Variants in PDE4D observed in about 807,000 individuals in gnomAD.
PDE4D encodes the protein 3',5'-cyclic-AMP phosphodiesterase 4D.
In PDE4D, 24 loss-of-function variants were observed where a neutral mutation model predicts 87.4. That is an observed-to-expected ratio of 0.27 (90% CI 0.20 to 0.39). The LOEUF is 0.39. Ranked by LOEUF, PDE4D falls within the 10% of genes least tolerant of loss-of-function variation. The pLI is 1.00. For missense variants in PDE4D, 714 were observed against 1,041.0 expected (o/e 0.69, Z 4.32); for synonymous variants, 384 against 383.2 (o/e 1.00, Z -0.02).
intron 1 of PDE4D, among the ~76,000 whole-genome samples, chr5:59,315,590 T>C (rs988814658): frequency 4.6e-5 from 7 of 152,000 alleles, no homozygotes; most frequent in Admixed American, 1.3e-4. Context: ...TCAGGAATGA[T>C]AGATGGTCAT....
intron 1 of PDE4D, among the ~76,000 whole-genome samples, chr5:60,441,864 GAAACGCAA>G: frequency 6.6e-6 from 1 of 151,878 alleles, no homozygotes. Flanking sequence ...GGTCATTAGA[GAAACGCAA>G]ATCAAAACCA....
rs374222313 is a variant in PDE4D, at chr5:59,449,068, AC to A, written c.456-233101del. Among the ~76,000 whole-genome samples, 566 of 152,338 alleles carry A rather than the reference AC, an allele frequency of 3.7e-3. 6 individuals are homozygous for A. The highest frequency in any genetic ancestry group is 0.013 in the African/African-American group (551 of 41,584). The stretch of plus-strand genomic sequence containing the variant: ...CCCTGCTTCACATATGTGAGAGATT[AC>A]AAATCAAAGAACAATGCTTTTGATG... On this transcript the variant is annotated intron_variant, in intron 1 of 14. Coordinates refer to ENST00000340635, the MANE Select transcript of PDE4D (RefSeq NM_001104631.2).
chr5:59,372,843 A>G (rs154027), intron 1 of PDE4D, among the ~76,000 whole-genome samples: 118,485 of 152,086 alleles, frequency 0.78, 46,686 homozygotes, highest in African/African-American at 0.89. Context: ...AACTTGAAGA[A>G]TGAGAAGACA....
intron 1 of PDE4D, among the ~76,000 whole-genome samples, chr5:59,622,705 T>A (rs1030097098): frequency 6.6e-6 from 1 of 152,198 alleles, no homozygotes; most frequent in Non-Finnish European, 1.5e-5. Context: ...TATTTTAGAA[T>A]GACTGACATC....
At chr5:60,044,672 T>C (rs1195440082) in intron 2 of PDE4D, among the ~76,000 whole-genome samples, 1 of 152,234 alleles carries the variant, frequency 6.6e-6, no homozygotes, top group Non-Finnish European at 1.5e-5. Flanking sequence ...ATTTCATCCA[T>C]GTCCCTACAA....
intron 1 of PDE4D, among the ~76,000 whole-genome samples, chr5:59,546,577 C>A (rs1053466798): frequency 3.3e-5 from 5 of 152,134 alleles, no homozygotes; most frequent in African/African-American, 1.2e-4. Context: ...ATATAAATCA[C>A]AAATCCAATT....
intron 3 of PDE4D, among the ~76,000 whole-genome samples, chr5:59,943,010 A>T (rs779679294): frequency 6.6e-6 from 1 of 152,138 alleles, no homozygotes; most frequent in Non-Finnish European, 1.5e-5. Context: ...GTAAAGAATT[A>T]TCTAGCCCCA....
chr5:59,852,802 G>A (rs187272286), intron 1 of PDE4D, among the ~76,000 whole-genome samples: 1 of 151,732 alleles, frequency 6.6e-6, no homozygotes, highest in African/African-American at 2.4e-5. Flanking sequence ...CAATCAGTTT[G>A]CAACAGAAAA....
intron 2 of PDE4D, among the ~76,000 whole-genome samples, chr5:60,133,430 G>T (rs1446291622): frequency 6.6e-6 from 1 of 152,040 alleles, no homozygotes; most frequent in Non-Finnish European, 1.5e-5. Context: ...CTGGGTTCAA[G>T]TGATTCTCCT....
chr5:59,893,548 C>T lies in PDE4D; in HGVS notation c.75G>A (p.Thr25=). ...TCCAGAGATGCTTGGGGGCTTTGAG[C>T]GTGGCCCCGCCGGCGCTGTCGCTGC... ...GEGSDSAGGA[T]LKAPKHLWRH... is the part of the protein sequence containing the mutation. Residue 25 remains threonine (T), a synonymous_variant, in exon 1 of 15, where the codon ACG becomes ACA. Transcript: ENST00000340635. 1 of 1,538,672 alleles carries T rather than the reference C, an allele frequency of 6.5e-7. No individual in the cohort carries two copies. The highest frequency in any genetic ancestry group is 8.8e-7 in the Non-Finnish European group (1 of 1,142,072).
At chr5:59,797,133 C>A (rs1766576954) in intron 1 of PDE4D, 4 of 110,794 alleles carry the variant, frequency 3.6e-5, no homozygotes, top group Non-Finnish European at 1.9e-5. Flanking sequence ...GACATTCTCT[C>A]TAAAAAAAAA....
intron 1 of PDE4D, among the ~76,000 whole-genome samples, chr5:59,698,908 C>A (rs1049641186): frequency 2.0e-5 from 3 of 152,250 alleles, no homozygotes; most frequent in African/African-American, 7.2e-5. Flanking sequence ...TTAGCAGTTG[C>A]CTAATTTCCC....
At chr5:60,143,050 A>G (rs1435465439) in intron 2 of PDE4D, among the ~76,000 whole-genome samples, 1 of 152,224 alleles carries the variant, frequency 6.6e-6, no homozygotes, top group Non-Finnish European at 1.5e-5. Flanking sequence ...AGAAAAAGTC[A>G]AAGATGTCCT....
At chr5:59,938,436 C>G (rs1756844674) in intron 3 of PDE4D, among the ~76,000 whole-genome samples, 1 of 152,184 alleles carries the variant, frequency 6.6e-6, no homozygotes, top group Non-Finnish European at 1.5e-5. Context: ...TCAACCAATA[C>G]AGCCTGGAAT....
At chr5:59,337,334 CA>C (rs1463029126) in intron 1 of PDE4D, among the ~76,000 whole-genome samples, 10 of 143,820 alleles carry the variant, frequency 7.0e-5, no homozygotes, top group East Asian at 6.0e-4. Context: ...CCCCCCCCCC[CA>C]CCTTTTTTTT....
chr5:59,491,382 T>G (rs538301557), intron 1 of PDE4D, among the ~76,000 whole-genome samples: 3 of 152,208 alleles, frequency 2.0e-5, no homozygotes, highest in Non-Finnish European at 2.9e-5. Flanking sequence ...CACCATTACC[T>G]TCTACCTCAT....
chr5:60,298,855 C>A (rs941727933), intron 1 of PDE4D, among the ~76,000 whole-genome samples: 2 of 152,052 alleles, frequency 1.3e-5, no homozygotes, highest in Non-Finnish European at 2.9e-5. Flanking sequence ...GAGAAACATA[C>A]CAAATATAAG....
At chr5:60,311,003 C>A (rs1330873046) in intron 1 of PDE4D, among the ~76,000 whole-genome samples, 2 of 151,034 alleles carry the variant, frequency 1.3e-5, no homozygotes, top group African/African-American at 4.9e-5. Flanking sequence ...CTGAGTCCAA[C>A]TCATTAAAAT....
chr5:60,307,942 G>T (rs1186684418), intron 1 of PDE4D, among the ~76,000 whole-genome samples: 6 of 152,176 alleles, frequency 3.9e-5, no homozygotes, highest in African/African-American at 1.4e-4. Flanking sequence ...TCGGAAGGCT[G>T]AGGCAGGAGA....
Sources: gnomAD v4.1 joint callset for allele counts (sites outside exome capture counted in the v4.1 genomes callset) on GRCh38, gnomAD v4.1.1 for gene constraint, MANE v1.5 for transcripts, NCBI Gene and HGNC (gene_info 2026-07-23, HGNC 2026-07-21) for gene names.